Variants in ZZZ3 observed in about 807,000 individuals in gnomAD.
The protein encoded by ZZZ3 is zinc finger ZZ-type containing 3.
A neutral mutation model predicts 95.2 loss-of-function variants in ZZZ3; 22 were observed. That is an observed-to-expected ratio of 0.23 (90% CI 0.17 to 0.33). The LOEUF (loss-of-function observed/expected upper bound fraction) is 0.33. Among genes scored for constraint, ZZZ3 ranks in the 10% least tolerant of loss-of-function variants. The probability of loss-of-function intolerance (pLI) is 1.00; values close to 1 mark genes in which losing one functional copy is unlikely to be tolerated. For missense variants in ZZZ3, 885 were observed against 1,066.5 expected (o/e 0.83, Z 2.37); for synonymous variants, 335 against 358.9 (o/e 0.93, Z 0.75).
At position 77,666,128 on chromosome 1, in the gene ZZZ3, C is replaced by T. The variant is rs919464912; in HGVS notation, c.-403+16457G>A. On this transcript the variant is annotated intron_variant, in intron 1 of 14. Transcript: ENST00000370801. ...CTTAAAACTAAAACAGTATATCAAA[C>T]GTATATACGGAATGTAATTAAGTTA... Among the ~76,000 whole-genome samples, 4 of 152,224 alleles carry T rather than the reference C, an allele frequency of 2.6e-5. No individual in the cohort carries two copies. In the East Asian group the frequency reaches 7.7e-4, roughly 29 times the overall value.
Position 77,625,779 on chromosome 1 carries a change from C to G in ZZZ3, c.1505+6071G>C, listed in dbSNP as rs182010469. ...CTGAGGGGGGCGGATCACTTGAGGT[C>G]AGGAGTTCGAGACCAGCCTGGTCAA... is the stretch of plus-strand genomic sequence containing the variant. On this transcript the variant is annotated intron_variant, in intron 5 of 14. Transcript: ENST00000370801. Among the ~76,000 whole-genome samples the G allele has an allele frequency of 2.0e-5, 3 of 151,466 alleles. 1 individual carries two copies. The highest frequency in any genetic ancestry group is 2.0e-4 in the Admixed American group (3 of 15,210).
rs143073625 is a variant in ZZZ3 at position 77,588,000 on chromosome 1, T to C, written c.1506-3345A>G. Among the ~76,000 whole-genome samples the C allele has an allele frequency of 2.0e-4, 31 of 152,360 alleles. No individual in the cohort carries two copies. The East Asian group carries it at 6.0e-3, about 29-fold the overall frequency. The stretch of plus-strand genomic sequence containing the variant: ...TTGAAGGAATACAGTATAAAGTACA[T>C]GTAACAGACAACATTTGTGTTAATC... On this transcript the variant is annotated intron_variant, in intron 5 of 14. Coordinates refer to ENST00000370801, the MANE Select transcript of ZZZ3 (RefSeq NM_015534.6).
At chr1:77,606,853 A>G (rs1665284844) in intron 5 of ZZZ3, among the ~76,000 whole-genome samples, 1 of 152,200 alleles carries the variant, frequency 6.6e-6, no homozygotes, top group African/African-American at 2.4e-5. Flanking sequence ...CCCAAGAAGG[A>G]CAGCTACAAA....
At chr1:77,628,926 A>G (rs1054536334) in intron 5 of ZZZ3, among the ~76,000 whole-genome samples, 12 of 152,230 alleles carry the variant, frequency 7.9e-5, no homozygotes, top group African/African-American at 2.9e-4. Flanking sequence ...AAGGAAGAGA[A>G]GTAACATTTG....
intron 5 of ZZZ3, among the ~76,000 whole-genome samples, chr1:77,613,851 T>C (rs1309939431): frequency 6.6e-6 from 1 of 152,148 alleles, no homozygotes; most frequent in African/African-American, 2.4e-5. Context: ...TCTTTAAGCA[T>C]AGTCTATAAT....
chr1:77,632,109 T>G lies in ZZZ3; in HGVS notation c.1246A>C (p.Asn416His). 1.2e-6 allele frequency: 2 copies of G among 1,614,128 alleles called. No homozygotes were observed. Among genetic ancestry groups the G allele is most frequent in the Non-Finnish European group, 1.7e-6 (2 of 1,180,012 alleles). ...CTTACATTATCACTAACAGTTGCAT[T>G]TGTTTCATTAGGACTAAGATTATTC... ...EENNLSPNET[N>H]ATVSDNVSQS... The change falls in exon 5 of 15, where the codon AAT (asparagine) becomes CAT (histidine). Residue 416 changes from asparagine (N) to histidine (H), a missense_variant. Around this residue, in one of 5 missense-constraint regions of ZZZ3, gnomAD observed 556 missense variants for 652.9 expected, o/e 0.85. Coordinates refer to ENST00000370801, the MANE Select transcript of ZZZ3 (RefSeq NM_015534.6).
chr1:77,567,998 A>G (rs1279221661), intron 13 of ZZZ3, among the ~76,000 whole-genome samples: 1 of 152,202 alleles, frequency 6.6e-6, no homozygotes, highest in Non-Finnish European at 1.5e-5. Flanking sequence ...TTTTTCCTAC[A>G]TGCTTAGCAA....
At position 77,631,882 on chromosome 1, in the gene ZZZ3, T is replaced by C. The variant is rs984714217; in HGVS notation, c.1473A>G (p.Glu491=). Residue 491 remains glutamate (E), a synonymous_variant, in exon 5 of 15, where the codon GAA becomes GAG. Transcript: ENST00000370801. ...EDDDPDVYYF[E]SDHVALKHNK... ...TGTGTTTCAGTGCCACATGATCTGA[T>C]TCAAAGTAATAAACATCAGGATCAT... 1.2e-6 allele frequency: 2 copies of C among 1,607,894 alleles called. No homozygotes were observed. The highest frequency in any genetic ancestry group is 2.2e-5 in the East Asian group (1 of 44,772).
chr1:77,581,077 T>G lies in ZZZ3; in HGVS notation c.1909-8A>C, dbSNP rs1349407666. 6.2e-7 allele frequency: 1 copy of G among 1,612,274 alleles called. No individual in the cohort carries two copies. On this transcript the variant is annotated splice_region_variant and splice_polypyrimidine_tract_variant and intron_variant, in intron 8 of 14. Transcript: ENST00000370801. ...CAAGCGTCCTCTTATCATCTGCACA[T>G]AAGACAAGGCTTTTGTCAGAGAGAA...
At chr1:77,613,432 C>A (rs955286101) in intron 5 of ZZZ3, among the ~76,000 whole-genome samples, 2 of 150,896 alleles carry the variant, frequency 1.3e-5, no homozygotes, top group African/African-American at 2.4e-5. Flanking sequence ...AAATAAAACT[C>A]ATTATTCTTC....
rs150412752 is a variant in ZZZ3, at chr1:77,651,017, T to C, written c.-402-9362A>G. Reference sequence around the variant, plus strand: ...GATATCCACCTACAAAAGAATGACATTGAACCCCTACCTCACACCATATAC... The same window carrying C: ...GATATCCACCTACAAAAGAATGACACTGAACCCCTACCTCACACCATATAC... On this transcript the variant is annotated intron_variant, in intron 1 of 14. Coordinates refer to ENST00000370801, the MANE Select transcript of ZZZ3 (RefSeq NM_015534.6). Among the ~76,000 whole-genome samples the C allele has an allele frequency of 3.3e-3, 506 of 152,228 alleles. 3 individuals carry two copies. The highest frequency in any genetic ancestry group is 0.02 in the Middle Eastern group (6 of 294).
intron 1 of ZZZ3, among the ~76,000 whole-genome samples, chr1:77,652,488 G>C (rs988350979): frequency 2.0e-5 from 3 of 152,162 alleles, no homozygotes; most frequent in Admixed American, 1.3e-4. Context: ...CTCATACATT[G>C]CTGGTAGGAA....
chr1:77,681,454 AC>A (rs1273072176), intron 1 of ZZZ3, among the ~76,000 whole-genome samples: 9 of 152,308 alleles, frequency 5.9e-5, no homozygotes, highest in Admixed American at 5.2e-4. Context: ...ATACGAAAAA[AC>A]AAAGGTATAC....
At position 77,579,639 on chromosome 1, in the gene ZZZ3, C is replaced by T. The variant is rs1192860837; in HGVS notation, c.1981-11G>A. 4 of 1,485,174 alleles carry T rather than the reference C, an allele frequency of 2.7e-6. No homozygotes were observed. Among genetic ancestry groups the T allele is most frequent in the Middle Eastern group, 1.7e-4 (1 of 5,804 alleles). 92.0% of individuals were successfully genotyped at this position (1,485,174 alleles called of 1,614,324 possible). A position where few individuals can be genotyped will look rare whatever the true frequency, so the allele number is the denominator to read the frequency against. On this transcript the variant is annotated splice_polypyrimidine_tract_variant and intron_variant, in intron 9 of 14. Coordinates refer to ENST00000370801, the MANE Select transcript of ZZZ3 (RefSeq NM_015534.6). ...CTGTTCCAGCTTTTTCTAAGCCATA[C>T]CCAAGACCAAATTTAAGAAAATATG...
intron 5 of ZZZ3, among the ~76,000 whole-genome samples, chr1:77,602,602 A>ATT (rs33915566): frequency 0.53 from 62,875 of 117,840 alleles, 18,827 homozygotes; most frequent in Admixed American, 0.64. Context: ...ATTTTTACTG[A>ATT]TTTTTTTTTT....
At chr1:77,593,307 A>G (rs1376633562) in intron 5 of ZZZ3, among the ~76,000 whole-genome samples, 1 of 152,194 alleles carries the variant, frequency 6.6e-6, no homozygotes, top group Non-Finnish European at 1.5e-5. Flanking sequence ...TATAAGACAT[A>G]TGTTCATAGC....
chr1:77,597,585 T>G (rs1270196793), intron 5 of ZZZ3, among the ~76,000 whole-genome samples: 3 of 152,160 alleles, frequency 2.0e-5, no homozygotes, highest in Non-Finnish European at 2.9e-5. Context: ...TGGTAGCATG[T>G]GATAGAAATG....
At chr1:77,585,613 A>G (rs1030597484) in intron 5 of ZZZ3, among the ~76,000 whole-genome samples, 1 of 152,206 alleles carries the variant, frequency 6.6e-6, no homozygotes, top group Admixed American at 6.5e-5. Flanking sequence ...GATAACTTTC[A>G]TTTTGTTTCC....
At chr1:77,615,503 A>G (rs753991320) in intron 5 of ZZZ3, among the ~76,000 whole-genome samples, 36 of 152,334 alleles carry the variant, frequency 2.4e-4, no homozygotes, top group Non-Finnish European at 4.6e-4. Context: ...CGTATGCAAA[A>G]TGCCTATGGA....
Sources: gnomAD v4.1 joint callset for allele counts (sites outside exome capture counted in the v4.1 genomes callset) on GRCh38, gnomAD v4.1.1 for gene constraint, gnomAD v4.1.1 regional missense constraint, MANE v1.5 for transcripts, NCBI Gene and HGNC (gene_info 2026-07-23, HGNC 2026-07-21) for gene names.